Variants in PLXNC1 observed in about 807,000 individuals in gnomAD.
PLXNC1 encodes plexin-C1.
In PLXNC1, 75 loss-of-function variants were observed where a neutral mutation model predicts 178.2. That is an observed-to-expected ratio of 0.42 (90% confidence interval 0.35 to 0.51). PLXNC1 has a LOEUF of 0.51. PLXNC1 is among the 20% of genes least tolerant of loss of function. PLXNC1 has a pLI of 0.02. For missense variants in PLXNC1, 1,503 were observed against 1,984.4 expected (o/e 0.76, Z 4.61); for synonymous variants, 790 against 779.9 (o/e 1.01, Z -0.22).
rs375069746 is a variant in PLXNC1, at chr12:94,220,045, T to C, written c.1584T>C (p.Ser528=). 1.1e-5 allele frequency: 17 copies of C among 1,613,686 alleles called. No individual in the cohort carries two copies. The African/African-American group carries it at 2.0e-4, about 19-fold the overall frequency. The change falls in exon 6 of 31, where the codon TCT becomes TCC. Residue 528 remains serine (S), a synonymous_variant. Coordinates refer to ENST00000258526, the MANE Select transcript of PLXNC1 (RefSeq NM_005761.3). The part of the protein sequence containing the change: ...KTTVTMVGSF[S]PRHSKCMVKN... ...CAGTGACTATGGTGGGAAGCTTCTC[T>C]CCAAGACACTCAAAGTGCATGGTGA...
At chr12:94,264,493 T>C (rs1457059242) in intron 20 of PLXNC1, among the ~76,000 whole-genome samples, 2 of 152,120 alleles carry the variant, frequency 1.3e-5, no homozygotes, top group African/African-American at 4.8e-5. Context: ...AGTGTGTGTC[T>C]GGGAACTGCC....
At chr12:94,263,805 G>C (rs947647375) in intron 20 of PLXNC1, among the ~76,000 whole-genome samples, 3 of 152,206 alleles carry the variant, frequency 2.0e-5, no homozygotes, top group African/African-American at 4.8e-5. Flanking sequence ...TCACAGCAGG[G>C]ATAGAAGCTG....
intron 4 of PLXNC1, among the ~76,000 whole-genome samples, chr12:94,201,543 G>A (rs4761467): frequency 0.17 from 25,080 of 151,996 alleles, 2,433 homozygotes; most frequent in African/African-American, 0.26. Flanking sequence ...TTGCATTTCT[G>A]CAGATGGAGA....
chr12:94,207,196 C>T (rs1205443895), intron 4 of PLXNC1, among the ~76,000 whole-genome samples: 1 of 151,828 alleles, frequency 6.6e-6, no homozygotes, highest in Non-Finnish European at 1.5e-5. Flanking sequence ...TGGTGAGAGG[C>T]AAAGAATAGG....
intron 6 of PLXNC1, 91 bp from the exon 7 acceptor site, chr12:94,224,137 A>C: frequency 1.2e-6 from 1 of 821,628 alleles, no homozygotes; most frequent in Non-Finnish European, 2.2e-6. Flanking sequence ...ATGCAGAGGA[A>C]GCAAAAATAT....
intron 21 of PLXNC1, among the ~76,000 whole-genome samples, chr12:94,273,786 C>G (rs889879991): frequency 6.6e-6 from 1 of 152,166 alleles, no homozygotes; most frequent in African/African-American, 2.4e-5. Flanking sequence ...ACAAAATGAG[C>G]TCTGGCAGTT....
At chr12:94,297,287 G>A (rs1592994002) in intron 25 of PLXNC1, 29 bp from the exon 26 acceptor site, 2 of 1,612,526 alleles carry the variant, frequency 1.2e-6, no homozygotes, top group Non-Finnish European at 1.7e-6. Flanking sequence ...TGGTCTCCTT[G>A]GGTAACGCTT....
chr12:94,228,652 T>C (rs1459026701), intron 9 of PLXNC1, among the ~76,000 whole-genome samples: 1 of 152,206 alleles, frequency 6.6e-6, no homozygotes, highest in African/African-American at 2.4e-5. Context: ...CTCATGTAAT[T>C]GAATTTGTCT....
chr12:94,271,231 TTG>T (rs1472474590), intron 21 of PLXNC1, among the ~76,000 whole-genome samples: 3 of 152,258 alleles, frequency 2.0e-5, no homozygotes, highest in African/African-American at 7.2e-5. Flanking sequence ...AGTTGCCAGT[TTG>T]TAATAAATTA....
chr12:94,150,160 C>A, intron 1 of PLXNC1, 127 bp downstream of exon 1: 1 of 780,112 alleles, frequency 1.3e-6, no homozygotes, highest in South Asian at 1.9e-5. Flanking sequence ...TACCAGGTCT[C>A]AGGTTCACAC....
intron 7 of PLXNC1, 76 bp from the exon 8 acceptor site, chr12:94,226,529 A>G (rs1963944092): frequency 2.2e-6 from 2 of 922,762 alleles, no homozygotes; most frequent in Non-Finnish European, 3.5e-6. Flanking sequence ...CTTGCATGCC[A>G]CATCACAGAG....
chr12:94,224,228 A>G lies in PLXNC1; in HGVS notation c.1703A>G (p.Asp568Gly). ...TGACATTTTCCCCCCTTCCCTCCAG[A>G]TGTTTCAGTTGTCAACGTGATGTTC... The part of the protein sequence containing the change: ...CSIPTRATYK[D>G]VSVVNVMFSF... Residue 568 changes from aspartate (D) to glycine (G), a missense_variant and splice_region_variant, in exon 7 of 31, where the codon GAT (aspartate) becomes GGT (glycine). Around this residue, in one of 4 missense-constraint regions of PLXNC1, gnomAD observed 615 missense variants for 698.6 expected, o/e 0.88. Coordinates refer to ENST00000258526, the MANE Select transcript of PLXNC1 (RefSeq NM_005761.3). 6.3e-7 allele frequency: 1 copy of G among 1,579,274 alleles called. No individual in the cohort carries two copies. The highest frequency in any genetic ancestry group is 1.3e-5 in the African/African-American group (1 of 74,334).
rs2230759 is a variant in PLXNC1 at position 94,265,144 on chromosome 12, C to G, written c.3516C>G (p.Pro1172=). The G allele has an allele frequency of 3.1e-6, 5 of 1,613,872 alleles. No individual in the cohort carries two copies. In the African/African-American group the frequency reaches 5.3e-5, roughly 17 times the overall value. ...TTLNQKINKG[P]VDVITCKALY... is the part of the protein sequence containing the mutation. Reference sequence around the variant, plus strand: ...TGAACCAGAAAATTAACAAGGGTCCCGTGGATGTAATCACTTGCAAAGCCC... The same window carrying G: ...TGAACCAGAAAATTAACAAGGGTCCGGTGGATGTAATCACTTGCAAAGCCC... Residue 1172 remains proline (P), a synonymous_variant, in exon 21 of 31, where the codon CCC becomes CCG. Transcript: ENST00000258526.
chr12:94,225,170 G>C (rs1195574001), intron 7 of PLXNC1, among the ~76,000 whole-genome samples: 1 of 152,176 alleles, frequency 6.6e-6, no homozygotes, highest in Non-Finnish European at 1.5e-5. Flanking sequence ...TTTCTCAGAT[G>C]CCTGACTTGC....
intron 27 of PLXNC1, among the ~76,000 whole-genome samples, chr12:94,299,905 C>G (rs1968294699): frequency 6.6e-6 from 1 of 152,120 alleles, no homozygotes; most frequent in South Asian, 2.1e-4. Flanking sequence ...CACATCAAGA[C>G]TGGGAGCTGA....
chr12:94,296,521 C>G (rs920926169), intron 24 of PLXNC1, among the ~76,000 whole-genome samples: 2 of 152,170 alleles, frequency 1.3e-5, no homozygotes, highest in African/African-American at 4.8e-5. Flanking sequence ...TTACCACTCC[C>G]TTACCCTTTA....
intron 22 of PLXNC1, among the ~76,000 whole-genome samples, chr12:94,281,346 T>C (rs544007398): frequency 6.6e-6 from 1 of 152,240 alleles, no homozygotes; most frequent in Non-Finnish European, 1.5e-5. Context: ...TTGGAGCTCT[T>C]ACAGCAGAGA....
chr12:94,301,035 T>C lies in PLXNC1; in HGVS notation c.4364T>C (p.Leu1455Pro), dbSNP rs367723378. Reference sequence around the variant, plus strand: ...CAGGCATTCATGGATGCATTTTCTCTCACAGAGCAGCAACTAGGGAAGGTA... The same window carrying C: ...CAGGCATTCATGGATGCATTTTCTCCCACAGAGCAGCAACTAGGGAAGGTA... ...IAQAFMDAFS[L>P]TEQQLGKEAP... The change falls in exon 28 of 31, where the codon CTC (leucine) becomes CCC (proline). Residue 1455 changes from leucine (L) to proline (P), a missense_variant. By Grantham distance (98) the Leu-to-Pro change is moderately conservative. Around this residue, in one of 4 missense-constraint regions of PLXNC1, gnomAD observed 639 missense variants for 979.7 expected, o/e 0.65. Transcript: ENST00000258526. 9 of 1,613,708 alleles carry C rather than the reference T, an allele frequency of 5.6e-6. No individual in the cohort carries two copies. Among genetic ancestry groups the C allele is most frequent in the Non-Finnish European group, 7.6e-6 (9 of 1,179,772 alleles).
intron 5 of PLXNC1, among the ~76,000 whole-genome samples, chr12:94,218,615 G>T (rs1963709206): frequency 6.6e-6 from 1 of 152,110 alleles, no homozygotes; most frequent in Non-Finnish European, 1.5e-5. Context: ...CAGGACACCT[G>T]GCTGCCTTGT....
Sources: gnomAD v4.1 joint callset for allele counts (sites outside exome capture counted in the v4.1 genomes callset) on GRCh38, gnomAD v4.1.1 for gene constraint, gnomAD v4.1.1 regional missense constraint, MANE v1.5 for transcripts, NCBI Gene and HGNC (gene_info 2026-07-23, HGNC 2026-07-21) for gene names.